UBE2D1: variants seen among roughly 807,000 people sequenced by gnomAD.
UBE2D1 encodes ubiquitin conjugating enzyme E2 D1.
Under a neutral mutation model 24.6 loss-of-function variants are expected in UBE2D1, and 9 were observed. The ratio of observed to expected loss-of-function variants is 0.37; its 90% confidence interval spans 0.22 to 0.64. The LOEUF (loss-of-function observed/expected upper bound fraction) is 0.64, where lower values mean the gene tolerates loss of function less well. UBE2D1 is among the 30% of genes least tolerant of loss of function. UBE2D1 has a pLI of 0.64. For missense variants in UBE2D1, 87 were observed against 177.1 expected (o/e 0.49, Z 2.89); for synonymous variants, 57 against 57.6 (o/e 0.99, Z 0.04).
At chr10:58,361,644 A>G (rs1244701362) in intron 3 of UBE2D1, 118 bp downstream of exon 3, 2 of 1,341,982 alleles carry the variant, frequency 1.5e-6, no homozygotes, top group Non-Finnish European at 2.1e-6. Flanking sequence ...TGAATCACCT[A>G]GGAAGCAAAA....
At chr10:58,362,258 A>G (rs903231045) in intron 3 of UBE2D1, among the ~76,000 whole-genome samples, 1 of 152,206 alleles carries the variant, frequency 6.6e-6, no homozygotes, top group African/African-American at 2.4e-5. Context: ...GTTTCCATGA[A>G]CACCATTCTC....
chr10:58,363,301 CAT>C (rs1443211771), intron 3 of UBE2D1, among the ~76,000 whole-genome samples: 4 of 152,106 alleles, frequency 2.6e-5, no homozygotes, highest in Non-Finnish European at 5.9e-5. Flanking sequence ...AATTTGTACT[CAT>C]AACCAGATTT....
At position 58,355,798 on chromosome 10, in the gene UBE2D1, A is replaced by G. The variant is rs1014288162; in HGVS notation, c.25-5540A>G. On this transcript the variant is annotated intron_variant, in intron 1 of 6. Transcript: ENST00000373910. ...TTATATAACCACTGTGCAGTTAAAC[A>G]AGGAAAGCAACCTTGGTATCACGCT... 2.0e-5 allele frequency among the ~76,000 whole-genome samples: 3 copies of G among 152,188 alleles called. No homozygotes were observed. In the South Asian group the frequency reaches 6.2e-4, roughly 31 times the overall value.
At chr10:58,359,858 T>A (rs1445864176) in intron 1 of UBE2D1, among the ~76,000 whole-genome samples, 1 of 152,236 alleles carries the variant, frequency 6.6e-6, no homozygotes, top group Non-Finnish European at 1.5e-5. Context: ...TCTGCACATG[T>A]AATTCATCAA....
chr10:58,342,933 A>G (rs1160973335), intron 1 of UBE2D1, among the ~76,000 whole-genome samples: 3 of 150,384 alleles, frequency 2.0e-5, no homozygotes, highest in Non-Finnish European at 4.4e-5. Context: ...GGGTTCAAGC[A>G]ATTCTCCTGC....
chr10:58,339,399 C>T (rs377366845), intron 1 of UBE2D1, among the ~76,000 whole-genome samples: 1 of 152,230 alleles, frequency 6.6e-6, no homozygotes, highest in South Asian at 2.1e-4. Flanking sequence ...AACCACCTCA[C>T]GCAGCCAAAG....
intron 1 of UBE2D1, among the ~76,000 whole-genome samples, chr10:58,353,057 T>A (rs1440511316): frequency 6.6e-6 from 1 of 152,184 alleles, no homozygotes; most frequent in Non-Finnish European, 1.5e-5. Flanking sequence ...GCTATAACTT[T>A]TAAGCTACAT....
At chr10:58,365,359 C>T (rs1035950979) in intron 5 of UBE2D1, among the ~76,000 whole-genome samples, 1 of 152,142 alleles carries the variant, frequency 6.6e-6, no homozygotes, top group African/African-American at 2.4e-5. Context: ...CTGGTTGTCC[C>T]ATTCATTAAA....
intron 1 of UBE2D1, among the ~76,000 whole-genome samples, chr10:58,349,503 A>T (rs919594755): frequency 6.6e-6 from 1 of 152,234 alleles, no homozygotes; most frequent in Admixed American, 6.5e-5. Flanking sequence ...GTATACTCAC[A>T]CAGTGTGCTT....
chr10:58,340,776 C>T (rs1194813257), intron 1 of UBE2D1, among the ~76,000 whole-genome samples: 1 of 152,150 alleles, frequency 6.6e-6, no homozygotes, highest in African/African-American at 2.4e-5. Context: ...GAAGTAGAAG[C>T]AAGCAAAATT....
At chr10:58,353,004 C>T (rs544086577) in intron 1 of UBE2D1, among the ~76,000 whole-genome samples, 2 of 152,258 alleles carry the variant, frequency 1.3e-5, no homozygotes, top group South Asian at 4.1e-4. Flanking sequence ...GGTACAACTT[C>T]TGTAGCTACT....
intron 1 of UBE2D1, among the ~76,000 whole-genome samples, chr10:58,347,071 T>C (rs1307330497): frequency 6.6e-6 from 1 of 152,174 alleles, no homozygotes; most frequent in Non-Finnish European, 1.5e-5. Context: ...GTCCCAGATA[T>C]TAAGATTGTC....
chr10:58,346,629 G>A (rs1292835203), intron 1 of UBE2D1, among the ~76,000 whole-genome samples: 2 of 152,180 alleles, frequency 1.3e-5, no homozygotes, highest in East Asian at 3.9e-4. Flanking sequence ...GTCATGGCTG[G>A]TGCAGAGAGC....
intron 1 of UBE2D1, among the ~76,000 whole-genome samples, chr10:58,342,401 T>C (rs959166753): frequency 6.6e-6 from 1 of 152,118 alleles, no homozygotes; most frequent in African/African-American, 2.4e-5. Flanking sequence ...AGTTGGTTCC[T>C]TCACCTTAAG....
intron 1 of UBE2D1, among the ~76,000 whole-genome samples, chr10:58,342,253 G>C (rs1839968697): frequency 1.3e-5 from 2 of 152,064 alleles, no homozygotes; most frequent in Admixed American, 6.6e-5. Flanking sequence ...ACCTCTTTCT[G>C]GATGTATTTC....
intron 5 of UBE2D1, 45 bp from the exon 6 acceptor site, chr10:58,367,878 A>C: frequency 7.7e-7 from 1 of 1,293,728 alleles, no homozygotes; most frequent in South Asian, 1.2e-5. Context: ...ATTTGTATGA[A>C]GTAGAAGGGT....
At position 58,335,035 on chromosome 10, in the gene UBE2D1, C is replaced by A; in HGVS notation, c.-167C>A. The A allele has an allele frequency of 1.6e-6, 1 of 639,930 alleles. No individual in the cohort carries two copies. The highest frequency in any genetic ancestry group is 2.5e-6 in the Non-Finnish European group (1 of 392,548). The allele number at this position is 639,930 out of a possible 1,614,324, so 39.6% of individuals were successfully genotyped here. On this transcript the variant is annotated 5_prime_UTR_variant, in exon 1 of 7. Transcript: ENST00000373910. The stretch of plus-strand genomic sequence containing the variant: ...ACTCGCGCACACTCGCGCTCGGGCG[C>A]ACACGGAGCAGGGACCGGCGCCCGG...
chr10:58,350,317 G>A (rs1840059053), intron 1 of UBE2D1, among the ~76,000 whole-genome samples: 1 of 152,094 alleles, frequency 6.6e-6, no homozygotes. Flanking sequence ...TGTTGGATAT[G>A]TAGTGGCATA....
intron 1 of UBE2D1, among the ~76,000 whole-genome samples, chr10:58,337,580 G>A (rs753702032): frequency 2.0e-5 from 3 of 152,078 alleles, no homozygotes; most frequent in Non-Finnish European, 4.4e-5. Flanking sequence ...ACCTATAGAT[G>A]GTGGCAGGCC....
Sources: allele counts gnomAD v4.1 joint callset (sites outside exome capture counted in the v4.1 genomes callset), GRCh38; gene constraint gnomAD v4.1.1; transcripts MANE v1.5; gene names NCBI Gene and HGNC (gene_info 2026-07-23, HGNC 2026-07-21).